Variants in PCSK1 observed in about 807,000 individuals in gnomAD.
The protein encoded by PCSK1 is neuroendocrine convertase 1.
PCSK1 carries 56 observed loss-of-function variants against 90.6 expected under a neutral mutation model. The ratio of observed to expected loss-of-function variants is 0.62; its 90% CI spans 0.50 to 0.77. The LOEUF is 0.77. PCSK1 is among the 30% of genes least tolerant of loss of function. PCSK1 has a pLI of 0.00. For missense variants in PCSK1, 801 were observed against 932.6 expected (o/e 0.86, Z 1.84); for synonymous variants, 348 against 342.4 (o/e 1.02, Z -0.18).
At chr5:96,427,071 A>C (rs1761331531) in intron 2 of PCSK1, among the ~76,000 whole-genome samples, 1 of 152,200 alleles carries the variant, frequency 6.6e-6, no homozygotes, top group Non-Finnish European at 1.5e-5. Flanking sequence ...ATAAGTACTA[A>C]TCTTTGAGGT....
intron 6 of PCSK1, among the ~76,000 whole-genome samples, chr5:96,415,159 A>C (rs155969): frequency 0.71 from 108,084 of 152,150 alleles, 39,485 homozygotes; most frequent in African/African-American, 0.89. Context: ...CCCTGCAGAT[A>C]CACTTTCCAC....
chr5:96,402,970 G>A (rs561538441), intron 9 of PCSK1, among the ~76,000 whole-genome samples: 2 of 152,116 alleles, frequency 1.3e-5, no homozygotes, highest in African/African-American at 4.8e-5. Context: ...AGGAGTTTTA[G>A]GTAAAAGCCT....
chr5:96,413,600 G>C (rs148855854), intron 6 of PCSK1, among the ~76,000 whole-genome samples: 3,670 of 151,452 alleles, frequency 0.024, 152 homozygotes, highest in African/African-American at 0.084. Flanking sequence ...AGGAGTTCAA[G>C]ACCAGCCTGG....
intron 10 of PCSK1, among the ~76,000 whole-genome samples, chr5:96,399,541 G>T (rs1760279736): frequency 6.6e-6 from 1 of 152,174 alleles, no homozygotes; most frequent in Non-Finnish European, 1.5e-5. Context: ...CAGCACTGTG[G>T]CATGAAGCAA....
chr5:96,416,779 T>A (rs536300619), intron 5 of PCSK1, among the ~76,000 whole-genome samples: 2 of 152,358 alleles, frequency 1.3e-5, no homozygotes, highest in African/African-American at 4.8e-5. Context: ...GCCAGAAGCC[T>A]GAACATGATT....
intron 6 of PCSK1, among the ~76,000 whole-genome samples, chr5:96,414,137 T>TAAAAAA (rs564573961): frequency 0.014 from 1,806 of 124,632 alleles, 53 homozygotes; most frequent in African/African-American, 0.053. Flanking sequence ...AGACTCTGTC[T>TAAAAAA]AAAAAAAAAA....
intron 5 of PCSK1, among the ~76,000 whole-genome samples, chr5:96,417,182 A>G (rs1760964687): frequency 6.6e-6 from 1 of 152,170 alleles, no homozygotes; most frequent in African/African-American, 2.4e-5. Context: ...TAAAATTCCT[A>G]AATTGACTGG....
rs200195073 is a variant in PCSK1, at chr5:96,408,288, C to A, written c.1131G>T (p.Thr377=). Residue 377 remains threonine, a synonymous_variant, in exon 9 of 14, where the codon ACG becomes ACT. Transcript: ENST00000311106. ...SADLHNDCTE[T]HTGTSASAPL... ...GTGCAGAGGCCGAGGTGCCTGTGTG[C>A]GTCTCCGTGCAGTCATTGTGCAGGT... The A allele has an allele frequency of 6.2e-7, 1 of 1,613,936 alleles. No homozygotes were observed. The highest frequency in any genetic ancestry group is 1.3e-5 in the African/African-American group (1 of 74,998).
rs571024440 is a variant in PCSK1, at chr5:96,411,202, T to C, written c.883-216A>G. On this transcript the variant is annotated intron_variant, in intron 7 of 13. Coordinates refer to ENST00000311106, the MANE Select transcript of PCSK1 (RefSeq NM_000439.5). ...TCTGGCCCTGCCAGTCTCTGGGCCC[T>C]CCTGGGGTAGGGCTGAGCACACGCT... 3.1e-4 allele frequency among the ~76,000 whole-genome samples: 47 copies of C among 152,354 alleles called. 1 individual carries two copies. The highest frequency in any genetic ancestry group is 1.0e-3 in the African/African-American group (43 of 41,588).
chr5:96,406,429 A>G (rs1392996094), intron 9 of PCSK1, among the ~76,000 whole-genome samples: 2 of 152,106 alleles, frequency 1.3e-5, no homozygotes, highest in African/African-American at 2.4e-5. Context: ...AGGGCCCAAT[A>G]TCTATTTCTA....
rs1460696147 is a variant in PCSK1 at position 96,395,005 on chromosome 5, T to C, written c.1743A>G (p.Glu581=). ...TCAGCTTCCAGTTCACAATTCTTCCTTCATTTTGAATTCTTCCAGACTAAC... is the reference window on the plus strand; with the variant it reads ...TCAGCTTCCAGTTCACAATTCTTCCCTCATTTTGAATTCTTCCAGACTAAC... ...ITDMSGRIQN[E]GRIVNWKLIL... The change falls in exon 13 of 14, where the codon GAA becomes GAG. Residue 581 remains glutamate, a synonymous_variant. Coordinates refer to ENST00000311106, the MANE Select transcript of PCSK1 (RefSeq NM_000439.5). 1 of 1,613,624 alleles carries C rather than the reference T, an allele frequency of 6.2e-7. No homozygotes were observed. The highest frequency in any genetic ancestry group is 8.5e-7 in the Non-Finnish European group (1 of 1,179,598).
At chr5:96,402,372 G>A (rs575195917) in intron 9 of PCSK1, among the ~76,000 whole-genome samples, 3 of 152,278 alleles carry the variant, frequency 2.0e-5, no homozygotes, top group African/African-American at 7.2e-5. Flanking sequence ...GGCCCCTCAT[G>A]TTCTTTCCAT....
intron 4 of PCSK1, among the ~76,000 whole-genome samples, chr5:96,422,184 A>G (rs1006253650): frequency 1.6e-4 from 24 of 152,200 alleles, no homozygotes; most frequent in African/African-American, 4.6e-4. Context: ...TTCTCAGTGA[A>G]TGTTACCAAG....
chr5:96,416,049 G>T lies in PCSK1; in HGVS notation c.693C>A (p.Tyr231Ter). The T allele has an allele frequency of 6.2e-7, 1 of 1,609,620 alleles. No homozygotes were observed. Among genetic ancestry groups the T allele is most frequent in the Non-Finnish European group, 8.5e-7 (1 of 1,175,922 alleles). Residue 231 changes from tyrosine to a stop codon, truncating the protein, a stop_gained, in exon 6 of 14, where the codon TAC (tyrosine) becomes TAA (stop). Coordinates refer to ENST00000311106, the MANE Select transcript of PCSK1 (RefSeq NM_000439.5). LOFTEE classifies it high-confidence loss of function. ...NNHKCGVGVA[Y>*]NSKVGGIRML... ...CTGTTTTACCTCCAACTTTGGAATT[G>T]TATGCAACTCCAACCCCGCATTTGT...
rs779859975 is a variant in PCSK1, at chr5:96,396,099, C to CT, written c.1723-1075dup. On this transcript the variant is annotated intron_variant, in intron 12 of 13. Transcript: ENST00000311106. ...AACAGGCCCAGATGCTAAGAACATT[C>CT]TTTTTTTGCTCTATGAGAGAAGGAC... is the stretch of plus-strand genomic sequence containing the variant. Among the ~76,000 whole-genome samples, 4 of 151,828 alleles carry CT rather than the reference C, an allele frequency of 2.6e-5. No homozygotes were observed. The East Asian group carries it at 5.8e-4, about 22-fold the overall frequency.
intron 9 of PCSK1, among the ~76,000 whole-genome samples, chr5:96,402,560 G>T (rs892306448): frequency 6.6e-6 from 1 of 152,122 alleles, no homozygotes; most frequent in Non-Finnish European, 1.5e-5. Context: ...CCATAAAATT[G>T]CCAGAGCCTT....
At chr5:96,426,981 A>T (rs1475970771) in intron 2 of PCSK1, among the ~76,000 whole-genome samples, 1 of 152,198 alleles carries the variant, frequency 6.6e-6, no homozygotes, top group Non-Finnish European at 1.5e-5. Context: ...TTCAAGCTTA[A>T]TTGTTTTGGC....
chr5:96,397,327 C>T lies in PCSK1; in HGVS notation c.1722+9G>A. On this transcript the variant is annotated intron_variant, in intron 12 of 13. Coordinates refer to ENST00000311106, the MANE Select transcript of PCSK1 (RefSeq NM_000439.5). ...GCTTGTGTTTTTTCATCCTCTCATTCACACTTACCATGTCTGTAATTCTCA... is the reference window on the plus strand; with the variant it reads ...GCTTGTGTTTTTTCATCCTCTCATTTACACTTACCATGTCTGTAATTCTCA... 1.9e-6 allele frequency: 3 copies of T among 1,612,026 alleles called. No individual in the cohort carries two copies. The highest frequency in any genetic ancestry group is 1.7e-6 in the Non-Finnish European group (2 of 1,178,290).
chr5:96,403,389 T>C (rs767662001), intron 9 of PCSK1, among the ~76,000 whole-genome samples: 1 of 152,190 alleles, frequency 6.6e-6, no homozygotes, highest in Non-Finnish European at 1.5e-5. Flanking sequence ...ACATTAGGTA[T>C]ATCTCCTAAT....
Sources: allele counts gnomAD v4.1 joint callset (sites outside exome capture counted in the v4.1 genomes callset), GRCh38; gene constraint gnomAD v4.1.1; transcripts MANE v1.5; gene names NCBI Gene and HGNC (gene_info 2026-07-23, HGNC 2026-07-21).